Variants in IGF2R observed in about 807,000 individuals in gnomAD.
IGF2R encodes insulin like growth factor 2 receptor.
Under a neutral mutation model 270.6 loss-of-function variants are expected in IGF2R, and 91 were observed. The observed-to-expected ratio is 0.34, with a 90% CI of 0.28 to 0.40. The LOEUF (loss-of-function observed/expected upper bound fraction) is 0.40, where lower values mean the gene tolerates loss of function less well. IGF2R is among the 10% of genes least tolerant of loss of function. IGF2R has a pLI of 1.00. For synonymous variants in IGF2R, 1,316 were observed against 1,258.9 expected, an observed-to-expected ratio of 1.05 and a Z score of -0.96; for missense variants, 2,805 against 3,188.3, an observed-to-expected ratio of 0.88 and a Z score of 2.90.
At chr6:160,024,233 A>G (rs1377479442) in intron 4 of IGF2R, among the ~76,000 whole-genome samples, 1 of 151,566 alleles carries the variant, frequency 6.6e-6, no homozygotes, top group African/African-American at 2.4e-5. Context: ...GAGACATGAG[A>G]TGATAGCTAG....
chr6:160,049,918 A>G (rs1475888351), intron 18 of IGF2R, among the ~76,000 whole-genome samples: 3 of 152,200 alleles, frequency 2.0e-5, no homozygotes, highest in African/African-American at 7.2e-5. Flanking sequence ...GATGAGAAGA[A>G]ACCTCAAATT....
intron 22 of IGF2R, 32 bp downstream of exon 22, chr6:160,059,130 A>C (rs953895161): frequency 5.0e-6 from 8 of 1,592,852 alleles, no homozygotes; most frequent in Non-Finnish European, 6.9e-6. Flanking sequence ...TTTGTAGCTA[A>C]AAAGGGCCCT....
intron 6 of IGF2R, among the ~76,000 whole-genome samples, chr6:160,028,692 A>C (rs192307435): frequency 5.0e-4 from 76 of 152,276 alleles, no homozygotes; most frequent in Middle Eastern, 6.8e-3. Context: ...CAGTTCAGTA[A>C]CTGCTGTAAC....
At position 160,050,886 on chromosome 6, in the gene IGF2R, C is replaced by T. The variant is rs80131711; in HGVS notation, c.2694+234C>T. Reference sequence around the variant, plus strand: ...TCATCTTTTGCTGCGGAGTTTGAGGCTCTGGTGACATACACTGTTTCCTGG... The same window carrying T: ...TCATCTTTTGCTGCGGAGTTTGAGGTTCTGGTGACATACACTGTTTCCTGG... On this transcript the variant is annotated intron_variant, in intron 19 of 47. Coordinates refer to ENST00000356956, the MANE Select transcript of IGF2R (RefSeq NM_000876.4). The surrounding 1 kb of genome is among the most constrained non-coding windows in gnomAD (Gnocchi z 4.0). Among the ~76,000 whole-genome samples the T allele has an allele frequency of 7.1e-3, 1,079 of 152,238 alleles. 11 individuals are homozygous for T. The highest frequency in any genetic ancestry group is 0.024 in the African/African-American group (1,014 of 41,530).
In IGF2R at chr6:160,050,611, T is replaced by C; in HGVS notation, c.2653T>C (p.Tyr885His). 1.2e-6 allele frequency: 2 copies of C among 1,613,582 alleles called. No homozygotes were observed. The highest frequency in any genetic ancestry group is 1.3e-5 in the African/African-American group (1 of 75,034). ...CTTSDGRQTT[Y>H]TTRIHLVCSR... ...CACCAGCGATGGCAGACAGACCACA[T>C]ATACCACGAGGATCCATCTCGTCTG... Residue 885 changes from tyrosine (Y) to histidine (H), a missense_variant, in exon 19 of 48, where the codon TAT becomes CAT. This residue lies in a region of IGF2R where 1,851 missense variants were observed against 2,207.2 expected (regional missense o/e 0.84). Transcript: ENST00000356956. The surrounding 1 kb of genome is among the most constrained non-coding windows in gnomAD (Gnocchi z 4.0).
rs934750627 is a variant in IGF2R, at chr6:160,028,195, C to T, written c.776+881C>T. Reference sequence around the variant, plus strand: ...CCGGGGCTGGTTTGTTCTGAGGCCTCTCTCCTTGGCTCGTTAGATGGCCGT... The same window carrying T: ...CCGGGGCTGGTTTGTTCTGAGGCCTTTCTCCTTGGCTCGTTAGATGGCCGT... On this transcript the variant is annotated intron_variant, in intron 6 of 47. Coordinates refer to ENST00000356956, the MANE Select transcript of IGF2R (RefSeq NM_000876.4). Among the ~76,000 whole-genome samples the T allele has an allele frequency of 3.3e-5, 5 of 152,204 alleles. 1 individual carries two copies. The highest frequency in any genetic ancestry group is 1.5e-5 in the Non-Finnish European group (1 of 68,026).
At chr6:160,060,461 G>A (rs964872918) in intron 22 of IGF2R, 86 bp from the exon 23 acceptor site, 1 of 1,355,486 alleles carries the variant, frequency 7.4e-7, no homozygotes, top group Non-Finnish European at 1.0e-6. Flanking sequence ...GCCAGTGGCA[G>A]CCTTGTCCTG....
chr6:160,082,757 A>C (rs1779013730), intron 39 of IGF2R, among the ~76,000 whole-genome samples: 1 of 152,238 alleles, frequency 6.6e-6, no homozygotes, highest in South Asian at 2.1e-4. Flanking sequence ...GATACACATG[A>C]GTGAATCAAC....
Position 160,040,577 on chromosome 6 carries a change from A to G in IGF2R, c.1333A>G (p.Thr445Ala), listed in dbSNP as rs545847434. ...TTGTGCAGGTAACGATGGGAAAGGA[A>G]CTCCTGTATTCACAGGGGAGGTTGA... ...NKTAGNDGKG[T>A]PVFTGEVDCT... The change falls in exon 11 of 48, where the codon ACT (threonine) becomes GCT (alanine). Residue 445 changes from threonine (T) to alanine (A), a missense_variant. Thr to Ala is a moderately conservative substitution (Grantham distance 58). Coordinates refer to ENST00000356956, the MANE Select transcript of IGF2R (RefSeq NM_000876.4). The G allele has an allele frequency of 5.0e-6, 8 of 1,613,732 alleles. No individual in the cohort carries two copies. In the Admixed American group the frequency reaches 1.3e-4, roughly 27 times the overall value.
At chr6:159,987,710 A>G (rs1007243468) in intron 1 of IGF2R, among the ~76,000 whole-genome samples, 1 of 152,188 alleles carries the variant, frequency 6.6e-6, no homozygotes, top group Non-Finnish European at 1.5e-5. Flanking sequence ...TTTAAAGGAG[A>G]CATAATGTCC....
chr6:160,014,826 A>G (rs1209835316), intron 4 of IGF2R, among the ~76,000 whole-genome samples: 1 of 152,138 alleles, frequency 6.6e-6, no homozygotes, highest in Non-Finnish European at 1.5e-5. Context: ...CTGTGGCAAT[A>G]ATTTTCTTTT....
rs1456067454 is a variant in IGF2R, at chr6:160,109,965, ATGT to A, written c.*4886_*4888del. ...GTGCCCCGTGGAACACTTGTTCTGT[ATGT>A]TGTTAACAGATGTTTTGCAAAAAAT... On this transcript the variant is annotated 3_prime_UTR_variant, in exon 48 of 48. Transcript: ENST00000356956. 6.6e-6 allele frequency: 1 copy of A among 152,232 alleles called. No homozygotes were observed. Among genetic ancestry groups the A allele is most frequent in the Admixed American group, 6.5e-5 (1 of 15,282 alleles). 9.4% of individuals were successfully genotyped at this position (152,232 alleles called of 1,614,324 possible).
chr6:160,090,595 A>G lies in IGF2R; in HGVS notation c.6655+492A>G, dbSNP rs111270139. Reference sequence around the variant, plus strand: ...GTGTGAAGGAAGGTTTTAAACTGGCACTAATAAGGGTGTTGCCCTTTGTTC... The same window carrying G: ...GTGTGAAGGAAGGTTTTAAACTGGCGCTAATAAGGGTGTTGCCCTTTGTTC... On this transcript the variant is annotated intron_variant, in intron 44 of 47. Transcript: ENST00000356956. 2.7e-3 allele frequency among the ~76,000 whole-genome samples: 416 copies of G among 152,370 alleles called. 2 individuals are homozygous for G. The highest frequency in any genetic ancestry group is 9.8e-3 in the African/African-American group (406 of 41,588).
intron 4 of IGF2R, among the ~76,000 whole-genome samples, chr6:160,016,449 C>G (rs569670098): frequency 6.6e-6 from 1 of 152,258 alleles, no homozygotes; most frequent in South Asian, 2.1e-4. Flanking sequence ...GTCCCATGGC[C>G]CCACCCATTG....
At chr6:160,037,574 G>T (rs971958292) in intron 10 of IGF2R, among the ~76,000 whole-genome samples, 12 of 152,216 alleles carry the variant, frequency 7.9e-5, no homozygotes, top group African/African-American at 2.9e-4. Context: ...CAGGATGCAA[G>T]CGCATCTTTT....
At chr6:159,971,691 A>G (rs1350718497) in intron 1 of IGF2R, among the ~76,000 whole-genome samples, 1 of 152,236 alleles carries the variant, frequency 6.6e-6, no homozygotes, top group Non-Finnish European at 1.5e-5. Flanking sequence ...CGCGTTGCCC[A>G]GGCAGAAGTG....
intron 44 of IGF2R, among the ~76,000 whole-genome samples, chr6:160,090,627 A>G (rs977496979): frequency 6.6e-6 from 1 of 152,272 alleles, no homozygotes; most frequent in African/African-American, 2.4e-5. Context: ...GTTCCCTCAC[A>G]TAATCGTGAA....
At position 160,075,910 on chromosome 6, in the gene IGF2R, T is replaced by G. The variant is rs1436698209; in HGVS notation, c.5230T>G (p.Phe1744Val). 1 of 1,614,168 alleles carries G rather than the reference T, an allele frequency of 6.2e-7. No individual in the cohort carries two copies. The highest frequency in any genetic ancestry group is 8.5e-7 in the Non-Finnish European group (1 of 1,179,984). Residue 1744 changes from phenylalanine (F) to valine (V), a missense_variant, in exon 36 of 48, where the codon TTT (phenylalanine) becomes GTT (valine). Physicochemically the swap from Phe to Val is conservative, Grantham distance 50. Around this residue, in one of 2 missense-constraint regions of IGF2R, gnomAD observed 1,851 missense variants for 2,207.2 expected, o/e 0.84. Coordinates refer to ENST00000356956, the MANE Select transcript of IGF2R (RefSeq NM_000876.4). ...NPIANEIYLN[F>V]ESSTPCLADK... Reference sequence around the variant, plus strand: ...AATAGCAAATGAGATTTACTTGAATTTTGAAAGCAGTACTCCTTGCTTAGC... The same window carrying G: ...AATAGCAAATGAGATTTACTTGAATGTTGAAAGCAGTACTCCTTGCTTAGC...
intron 2 of IGF2R, among the ~76,000 whole-genome samples, chr6:160,008,106 A>G (rs1784275064): frequency 6.6e-6 from 1 of 152,198 alleles, no homozygotes; most frequent in Admixed American, 6.5e-5. Flanking sequence ...GTTTTAAGAA[A>G]GTTTACAAGT....
Sources: allele counts gnomAD v4.1 joint callset (sites outside exome capture counted in the v4.1 genomes callset), GRCh38; gene constraint gnomAD v4.1.1; regional missense constraint gnomAD v4.1.1; non-coding constraint Gnocchi (gnomAD v3.1); transcripts MANE v1.5; gene names NCBI Gene and HGNC (gene_info 2026-07-23, HGNC 2026-07-21).